The following JARID2 variants were observed in gnomAD, a reference collection of about 807,000 sequenced individuals.
JARID2 encodes jumonji and AT-rich interaction domain containing 2, also known as protein Jumonji.
Under a neutral mutation model 125.6 loss-of-function variants are expected in JARID2, and 21 were observed. The ratio of observed to expected loss-of-function variants is 0.17; its 90% CI spans 0.12 to 0.24. JARID2 has a LOEUF of 0.24. Ranked by LOEUF, JARID2 falls within the 10% of genes least tolerant of loss-of-function variation. The pLI is 1.00. For missense variants in JARID2, 1,303 were observed against 1,639.6 expected (o/e 0.79, Z 3.55); for synonymous variants, 736 against 661.6 (o/e 1.11, Z -1.73).
chr6:15,289,884 A>G (rs1388721278), intron 1 of JARID2, among the ~76,000 whole-genome samples: 1 of 152,168 alleles, frequency 6.6e-6, no homozygotes, highest in East Asian at 1.9e-4. Flanking sequence ...AATTGGGACA[A>G]GAAGCACTGT....
At chr6:15,278,077 G>A (rs1760603602) in intron 1 of JARID2, among the ~76,000 whole-genome samples, 1 of 151,808 alleles carries the variant, frequency 6.6e-6, no homozygotes, top group Non-Finnish European at 1.5e-5. Flanking sequence ...GTGAAACCCT[G>A]TCTCTACTAA....
At chr6:15,424,766 G>A (rs901982137) in intron 3 of JARID2, among the ~76,000 whole-genome samples, 15 of 152,188 alleles carry the variant, frequency 9.9e-5, no homozygotes, top group Non-Finnish European at 1.5e-4. Context: ...GGCTGAGGCA[G>A]GAGAATCGCT....
chr6:15,340,694 T>A (rs1581431888), intron 1 of JARID2, among the ~76,000 whole-genome samples: 1 of 152,124 alleles, frequency 6.6e-6, no homozygotes, highest in Non-Finnish European at 1.5e-5. Context: ...GATGGTAGAG[T>A]TAGATTTATG....
At chr6:15,437,499 T>C (rs937845185) in intron 3 of JARID2, among the ~76,000 whole-genome samples, 46 of 152,190 alleles carry the variant, frequency 3.0e-4, no homozygotes, top group Admixed American at 2.6e-3. Context: ...CTAGTTTGTG[T>C]AACATTCTCT....
chr6:15,384,687 C>T (rs537643957), intron 2 of JARID2, among the ~76,000 whole-genome samples: 1 of 152,146 alleles, frequency 6.6e-6, no homozygotes, highest in African/African-American at 2.4e-5. Context: ...GCTCCTTCCC[C>T]ATTTAACATC....
intron 1 of JARID2, among the ~76,000 whole-genome samples, chr6:15,355,230 T>A (rs2127487200): frequency 6.6e-6 from 1 of 152,328 alleles, no homozygotes; most frequent in South Asian, 2.1e-4. Flanking sequence ...TTAATTTAAT[T>A]TAAGTGATAC....
chr6:15,383,278 G>A (rs1449416411), intron 2 of JARID2, among the ~76,000 whole-genome samples: 1 of 150,840 alleles, frequency 6.6e-6, no homozygotes, highest in Non-Finnish European at 1.5e-5. Context: ...GGGACTACTG[G>A]CATGTATCAT....
At chr6:15,365,474 A>T (rs986846273) in intron 1 of JARID2, among the ~76,000 whole-genome samples, 14 of 152,204 alleles carry the variant, frequency 9.2e-5, no homozygotes, top group Non-Finnish European at 8.8e-5. Flanking sequence ...GATGTCTGAC[A>T]TGCTCAGACG....
chr6:15,272,085 A>G (rs1760319467), intron 1 of JARID2, among the ~76,000 whole-genome samples: 1 of 152,010 alleles, frequency 6.6e-6, no homozygotes, highest in South Asian at 2.1e-4. Flanking sequence ...GGATCGTGCC[A>G]TTGCACTCCA....
At chr6:15,441,412 T>C (rs34002211) in intron 3 of JARID2, among the ~76,000 whole-genome samples, 14,506 of 152,224 alleles carry the variant, frequency 0.095, 825 homozygotes, top group Middle Eastern at 0.16. Flanking sequence ...CCCTTAGGGG[T>C]GATCCCACAG....
At chr6:15,472,209 C>A (rs1463036078) in intron 5 of JARID2, among the ~76,000 whole-genome samples, 1 of 151,828 alleles carries the variant, frequency 6.6e-6, no homozygotes, top group Non-Finnish European at 1.5e-5. Flanking sequence ...GACACACCCA[C>A]CTCCTACTGC....
chr6:15,301,784 T>C (rs890526761), intron 1 of JARID2, among the ~76,000 whole-genome samples: 4 of 152,210 alleles, frequency 2.6e-5, no homozygotes, highest in African/African-American at 9.7e-5. Flanking sequence ...CTGCCCTCTT[T>C]GGTATGTTGG....
intron 1 of JARID2, among the ~76,000 whole-genome samples, chr6:15,317,645 C>G (rs1054534176): frequency 5.3e-5 from 8 of 151,878 alleles, no homozygotes; most frequent in African/African-American, 1.9e-4. Flanking sequence ...TACCCTCTTG[C>G]GTCTCGGAGG....
rs544025078 is a variant in JARID2 at position 15,499,193 on chromosome 6, C to T, written c.1946-1714C>T. Among the ~76,000 whole-genome samples the T allele has an allele frequency of 1.5e-3, 232 of 152,252 alleles. 1 individual carries two copies. Among genetic ancestry groups the T allele is most frequent in the Non-Finnish European group, 2.8e-3 (190 of 68,020 alleles). ...CCTCAGGGCTGGGGTCTGAGCTCAG[C>T]CATCTGACAGTGGTAGAAACTTAAT... On this transcript the variant is annotated intron_variant, in intron 7 of 17. Transcript: ENST00000341776.
chr6:15,284,627 C>T (rs1760922996), intron 1 of JARID2, among the ~76,000 whole-genome samples: 1 of 151,612 alleles, frequency 6.6e-6, no homozygotes, highest in South Asian at 2.1e-4. Flanking sequence ...GCTGGGATTA[C>T]AGGCGCCTGC....
chr6:15,247,531 C>T (rs1374428595), intron 1 of JARID2: 1 of 812,922 alleles, frequency 1.2e-6, no homozygotes, highest in African/African-American at 4.7e-5. Context: ...AATTAAATAA[C>T]TCTTTTTTTT....
intron 1 of JARID2, among the ~76,000 whole-genome samples, chr6:15,283,871 A>G (rs901514052): frequency 2.0e-5 from 3 of 151,280 alleles, no homozygotes; most frequent in Admixed American, 2.0e-4. Context: ...ATGCCCGGCT[A>G]ATTTTTTTTG....
chr6:15,467,904 G>A (rs1006526482), intron 4 of JARID2, among the ~76,000 whole-genome samples: 3 of 152,178 alleles, frequency 2.0e-5, no homozygotes, highest in Non-Finnish European at 2.9e-5. Flanking sequence ...AAAGGGTAAA[G>A]GTGAGGAGAT....
rs746857106 is a variant in JARID2, at chr6:15,511,286, A to G, written c.2847-10A>G. On this transcript the variant is annotated splice_polypyrimidine_tract_variant and intron_variant, in intron 12 of 17. Coordinates refer to ENST00000341776, the MANE Select transcript of JARID2 (RefSeq NM_004973.4). ...TCTCTGCTTGTCTCTTGTGTCTCTC[A>G]ATGACCCAGGTATTGCATTCCTGCT... 6.3e-6 allele frequency: 10 copies of G among 1,596,636 alleles called. No homozygotes were observed. The highest frequency in any genetic ancestry group is 8.6e-6 in the Non-Finnish European group (10 of 1,164,262).
Sources: allele counts gnomAD v4.1 joint callset (sites outside exome capture counted in the v4.1 genomes callset), GRCh38; gene constraint gnomAD v4.1.1; transcripts MANE v1.5; gene names NCBI Gene and HGNC (gene_info 2026-07-23, HGNC 2026-07-21).